Variants in PRR11 observed in about 807,000 individuals in gnomAD.
PRR11 encodes the protein proline-rich protein 11.
PRR11 carries 30 observed loss-of-function variants against 45.6 expected under a neutral mutation model. The ratio of observed to expected loss-of-function variants is 0.66; its 90% CI spans 0.49 to 0.89. The LOEUF (loss-of-function observed/expected upper bound fraction) is 0.89. Ranked by LOEUF, PRR11 falls within the 40% of genes least tolerant of loss-of-function variation. The pLI, the probability that PRR11 is intolerant of heterozygous loss-of-function variation, is 0.00. For missense variants in PRR11, 373 were observed against 424.8 expected, an observed-to-expected ratio of 0.88 and a Z score of 1.07; for synonymous variants, 128 against 153.5, an observed-to-expected ratio of 0.83 and a Z score of 1.23.
chr17:59,172,738 C>G (rs998835160), intron 2 of PRR11, among the ~76,000 whole-genome samples: 1 of 152,246 alleles, frequency 6.6e-6, no homozygotes, highest in African/African-American at 2.4e-5. Flanking sequence ...GATTTCTCGC[C>G]GGGCCTCAGC....
chr17:59,185,745 G>C (rs556621933), intron 4 of PRR11, among the ~76,000 whole-genome samples, 183 bp downstream of exon 4: 3 of 152,322 alleles, frequency 2.0e-5, no homozygotes, highest in African/African-American at 7.2e-5. Context: ...GGGGAAGTAA[G>C]ATGAAGAGCT....
intron 2 of PRR11, among the ~76,000 whole-genome samples, chr17:59,176,636 GT>G (rs1216255796): frequency 1.2e-5 from 1 of 81,374 alleles, no homozygotes; most frequent in East Asian, 4.4e-4. Context: ...GGTTCCTTTT[GT>G]TTTATTCTTT....
intron 4 of PRR11, among the ~76,000 whole-genome samples, chr17:59,186,745 C>T (rs1167054103): frequency 6.6e-6 from 1 of 151,954 alleles, no homozygotes; most frequent in East Asian, 1.9e-4. Flanking sequence ...AATTTATGCA[C>T]AGCAAAATAA....
At chr17:59,180,184 G>C (rs1235251700) in intron 2 of PRR11, among the ~76,000 whole-genome samples, 1 of 141,246 alleles carries the variant, frequency 7.1e-6, no homozygotes, top group East Asian at 2.1e-4. Flanking sequence ...AGGCTGGAGT[G>C]TAGTAGTGCA....
chr17:59,193,291 A>G (rs899564665), intron 4 of PRR11, among the ~76,000 whole-genome samples: 49 of 152,338 alleles, frequency 3.2e-4, no homozygotes, highest in Non-Finnish European at 4.4e-4. Context: ...CATTGTACCT[A>G]TAGTGCCTGG....
At chr17:59,172,640 C>A (rs1033125510) in intron 2 of PRR11, among the ~76,000 whole-genome samples, 1 of 152,204 alleles carries the variant, frequency 6.6e-6, no homozygotes, top group Non-Finnish European at 1.5e-5. Flanking sequence ...CCGGCCAGCC[C>A]GGGCAGTGAG....
At position 59,179,538 on chromosome 17, in the gene PRR11, A is replaced by T. The variant is rs1189147432; in HGVS notation, c.129-5516A>T. 7 of 1,361,790 alleles carry T rather than the reference A, an allele frequency of 5.1e-6. No individual in the cohort carries two copies. In the African/African-American group the frequency reaches 8.7e-5, roughly 17 times the overall value. The allele number at this position is 1,361,790 out of a possible 1,614,324, so 84.4% of individuals were successfully genotyped here. A position where few individuals can be genotyped will look rare whatever the true frequency, so the allele number is the denominator to read the frequency against. On this transcript the variant is annotated intron_variant, in intron 2 of 9. Transcript: ENST00000262293. ...ATCACTTCTGAGTCCTCCCGCATGG[A>T]GAGCTCACCCACTGGGGGCATATTT...
At chr17:59,178,835 TC>T (rs1186432711) in intron 2 of PRR11, among the ~76,000 whole-genome samples, 3 of 152,074 alleles carry the variant, frequency 2.0e-5, no homozygotes, top group African/African-American at 7.2e-5. Flanking sequence ...ATAAAGGAAT[TC>T]CCATCATTTC....
At chr17:59,165,496 A>C (rs2147834565) in intron 1 of PRR11, among the ~76,000 whole-genome samples, 1 of 152,070 alleles carries the variant, frequency 6.6e-6, no homozygotes, top group East Asian at 1.9e-4. Context: ...GTTGTTTTAA[A>C]TTAAAAAAAA....
chr17:59,168,796 A>G (rs1312815759), intron 1 of PRR11, among the ~76,000 whole-genome samples: 1 of 152,216 alleles, frequency 6.6e-6, no homozygotes, highest in Non-Finnish European at 1.5e-5. Context: ...GTCACACCAC[A>G]GCGTATTAGA....
rs760884375 is a variant in PRR11, at chr17:59,201,676, G to A, written c.*45G>A. 6.3e-7 allele frequency: 1 copy of A among 1,592,042 alleles called. No homozygotes were observed. Among genetic ancestry groups the A allele is most frequent in the South Asian group, 1.1e-5 (1 of 90,636 alleles). The stretch of plus-strand genomic sequence containing the variant: ...CATGAGATGATCCATAACAAATACA[G>A]ATAAAAACACCCAGCTGGGTGCAGT... On this transcript the variant is annotated 3_prime_UTR_variant, in exon 10 of 10. Coordinates refer to ENST00000262293, the MANE Select transcript of PRR11 (RefSeq NM_018304.4).
intron 2 of PRR11, among the ~76,000 whole-genome samples, chr17:59,180,506 T>G (rs1483571863): frequency 4.8e-5 from 6 of 124,718 alleles, no homozygotes; most frequent in East Asian, 2.5e-4. Context: ...GTTTTTTTTT[T>G]TTTGTTTTTT....
intron 1 of PRR11, among the ~76,000 whole-genome samples, chr17:59,169,148 G>A (rs2046694326): frequency 6.7e-6 from 1 of 149,072 alleles, no homozygotes; most frequent in East Asian, 2.0e-4. Context: ...GCCCAGGTGG[G>A]AGTGCAATGG....
At position 59,195,927 on chromosome 17, in the gene PRR11, T is replaced by C. The variant is rs369263842; in HGVS notation, c.857+484T>C. ...GAGCCCCATCTCTAAAAAAAACTAA[T>C]TAAATTAAAAATTAGCCGGATGCAG... On this transcript the variant is annotated intron_variant, in intron 7 of 9. Coordinates refer to ENST00000262293, the MANE Select transcript of PRR11 (RefSeq NM_018304.4). 8.6e-5 allele frequency among the ~76,000 whole-genome samples: 13 copies of C among 151,416 alleles called. 1 individual carries two copies. The East Asian group carries it at 1.4e-3, about 16-fold the overall frequency.
At position 59,203,842 on chromosome 17, in the gene PRR11, A is replaced by AAC. The variant is rs1568329763; in HGVS notation, c.*2212_*2213insCA. 6.6e-6 allele frequency: 1 copy of AAC among 151,756 alleles called. No individual in the cohort carries two copies. 9.4% of individuals were successfully genotyped at this position (151,756 alleles called of 1,614,324 possible). On this transcript the variant is annotated 3_prime_UTR_variant, in exon 10 of 10. Coordinates refer to ENST00000262293, the MANE Select transcript of PRR11 (RefSeq NM_018304.4). ...AGCAAGAGACCCTGTCTCAAAAAAA[A>AAC]AAAAAAAAAATTAAATGGGTAGTGA... is the stretch of plus-strand genomic sequence containing the variant.
intron 1 of PRR11, among the ~76,000 whole-genome samples, chr17:59,160,427 C>T (rs1370790647): frequency 1.3e-5 from 2 of 151,998 alleles, no homozygotes; most frequent in African/African-American, 4.8e-5. Context: ...TTAGACTGAA[C>T]CTCATTCCAA....
intron 1 of PRR11, among the ~76,000 whole-genome samples, chr17:59,164,415 C>T (rs1328393008): frequency 1.3e-5 from 2 of 152,080 alleles, no homozygotes; most frequent in East Asian, 1.9e-4. Context: ...TGGGGCCGGG[C>T]GTAGTGGCTC....
intron 7 of PRR11, among the ~76,000 whole-genome samples, chr17:59,196,336 A>G (rs1344908011): frequency 6.6e-6 from 1 of 152,116 alleles, no homozygotes; most frequent in Non-Finnish European, 1.5e-5. Flanking sequence ...TTTTCATATT[A>G]TATAATTTCT....
At position 59,161,465 on chromosome 17, in the gene PRR11, A is replaced by G. The variant is rs557705188; in HGVS notation, c.-6+5660A>G. ...AAAAAAAAACACACACACAAAACATAAGGGCCGAGTACAGTGGCTCACACC... is the reference window on the plus strand; with the variant it reads ...AAAAAAAAACACACACACAAAACATGAGGGCCGAGTACAGTGGCTCACACC... On this transcript the variant is annotated intron_variant, in intron 1 of 9. Transcript: ENST00000262293. 2.2e-4 allele frequency among the ~76,000 whole-genome samples: 34 copies of G among 151,830 alleles called. No homozygotes were observed. The South Asian group carries it at 7.1e-3, about 32-fold the overall frequency.
Sources: allele counts gnomAD v4.1 joint callset (sites outside exome capture counted in the v4.1 genomes callset), GRCh38; gene constraint gnomAD v4.1.1; transcripts MANE v1.5; gene names NCBI Gene and HGNC (gene_info 2026-07-23, HGNC 2026-07-21).